The following TDRD3 variants were observed in gnomAD, a reference collection of about 807,000 sequenced individuals.
TDRD3 encodes tudor domain-containing protein 3.
A neutral mutation model predicts 86.7 loss-of-function variants in TDRD3; 45 were observed. The observed-to-expected ratio is 0.52, with a 90% confidence interval of 0.41 to 0.67. The LOEUF is 0.67. Ranked by LOEUF, TDRD3 falls within the 30% of genes least tolerant of loss-of-function variation. The probability of loss-of-function intolerance (pLI) is 0.00; values close to 1 mark genes in which losing one functional copy is unlikely to be tolerated. For synonymous variants in TDRD3, 298 were observed against 301.7 expected (o/e 0.99, Z 0.13); for missense variants, 814 against 889.0 (o/e 0.92, Z 1.07).
chr13:60,509,721 A>C, intron 8 of TDRD3, 42 bp from the exon 9 acceptor site: 1 of 1,612,152 alleles, frequency 6.2e-7, no homozygotes, highest in Non-Finnish European at 8.5e-7. Context: ...GCCTTGCCTT[A>C]TCTGTGGGCT....
intron 12 of TDRD3, among the ~76,000 whole-genome samples, chr13:60,560,572 A>G (rs1390140133): frequency 1.4e-5 from 2 of 147,790 alleles, no homozygotes; most frequent in Non-Finnish European, 3.0e-5. Flanking sequence ...TGTTAGAGGA[A>G]GGACAATGAT....
chr13:60,428,534 A>T (rs1428247112), intron 1 of TDRD3, among the ~76,000 whole-genome samples: 1 of 152,190 alleles, frequency 6.6e-6, no homozygotes, highest in Non-Finnish European at 1.5e-5. Flanking sequence ...AGCACAAGGG[A>T]ATTACAAGAG....
At chr13:60,437,037 G>C (rs1270746320) in intron 1 of TDRD3, among the ~76,000 whole-genome samples, 2 of 150,446 alleles carry the variant, frequency 1.3e-5, no homozygotes, top group Non-Finnish European at 3.0e-5. Flanking sequence ...TAGCTGATTA[G>C]GAAACTGATT....
intron 5 of TDRD3, among the ~76,000 whole-genome samples, chr13:60,475,959 T>C (rs948664576): frequency 4.6e-5 from 7 of 152,154 alleles, no homozygotes; most frequent in African/African-American, 7.2e-5. Context: ...GGATGTACAG[T>C]TGACAAATAT....
At chr13:60,476,763 A>T (rs560663291) in intron 5 of TDRD3, among the ~76,000 whole-genome samples, 111 of 152,184 alleles carry the variant, frequency 7.3e-4, no homozygotes, top group Non-Finnish European at 1.1e-3. Context: ...CTCATTGTAG[A>T]GATCTTTCGC....
intron 13 of TDRD3, among the ~76,000 whole-genome samples, chr13:60,572,155 A>C (rs1958601152): frequency 6.6e-6 from 1 of 152,180 alleles, no homozygotes; most frequent in African/African-American, 2.4e-5. Flanking sequence ...TAAGCTTCAC[A>C]TTCCTGGTGG....
At chr13:60,510,110 A>G (rs978403188) in intron 9 of TDRD3, among the ~76,000 whole-genome samples, 191 bp downstream of exon 9, 4 of 152,200 alleles carry the variant, frequency 2.6e-5, no homozygotes, top group African/African-American at 9.6e-5. Flanking sequence ...TTTGTACAAA[A>G]TGGATCTAAC....
At position 60,528,768 on chromosome 13, in the gene TDRD3, GA is replaced by G. The variant is rs1358265187; in HGVS notation, c.1544del (p.Glu515GlyfsTer12). Reference sequence around the variant, plus strand: ...ATCAGGAAAAGGTCCCTCCTTTGCAGAGGCAAAAGAAAATCCACTTCCTCAA... The same window carrying G: ...ATCAGGAAAAGGTCCCTCCTTTGCAGGGCAAAAGAAAATCCACTTCCTCAA... ...SRSGKGPSFA[E>X]AKENPLPQGS... On this transcript the variant is annotated frameshift_variant, in exon 11 of 14. Transcript: ENST00000377881. LOFTEE classifies it high-confidence loss of function. 6.2e-7 allele frequency: 1 copy of G among 1,613,350 alleles called. No individual in the cohort carries two copies. Among genetic ancestry groups the G allele is most frequent in the African/African-American group, 1.3e-5 (1 of 74,872 alleles).
chr13:60,403,509 G>T (rs908957694), intron 1 of TDRD3, among the ~76,000 whole-genome samples: 1 of 152,172 alleles, frequency 6.6e-6, no homozygotes, highest in Non-Finnish European at 1.5e-5. Flanking sequence ...GAAGAATACT[G>T]AATGCCCAGA....
At chr13:60,451,366 C>A (rs1955537489) in intron 3 of TDRD3, among the ~76,000 whole-genome samples, 1 of 152,112 alleles carries the variant, frequency 6.6e-6, no homozygotes, top group African/African-American at 2.4e-5. Context: ...GAGTAAGTGT[C>A]CAGAGCCATT....
intron 12 of TDRD3, among the ~76,000 whole-genome samples, chr13:60,563,851 T>A (rs1958392282): frequency 6.6e-6 from 1 of 152,208 alleles, no homozygotes; most frequent in Non-Finnish European, 1.5e-5. Flanking sequence ...TGTAGTTTTG[T>A]CTGTGTTCTC....
chr13:60,520,014 T>C (rs1345210623), intron 10 of TDRD3, among the ~76,000 whole-genome samples: 1 of 152,226 alleles, frequency 6.6e-6, no homozygotes, highest in African/African-American at 2.4e-5. Context: ...ACTAGTCTTA[T>C]GCTTTATGCT....
intron 10 of TDRD3, among the ~76,000 whole-genome samples, chr13:60,516,623 C>G (rs1390451204): frequency 6.6e-6 from 1 of 152,156 alleles, no homozygotes; most frequent in Admixed American, 6.6e-5. Context: ...CCTTAATTTT[C>G]TCATCAGGAA....
At chr13:60,460,660 G>A in intron 4 of TDRD3, 120 bp downstream of exon 4, 1 of 911,930 alleles carries the variant, frequency 1.1e-6, no homozygotes, top group Non-Finnish European at 1.6e-6. Context: ...CAGTTTTTCA[G>A]ATGAAATTAT....
intron 13 of TDRD3, among the ~76,000 whole-genome samples, chr13:60,570,075 C>T (rs981212759): frequency 2.0e-5 from 3 of 152,048 alleles, no homozygotes; most frequent in Admixed American, 2.0e-4. Context: ...GGAATAACAT[C>T]AGTTAAAAAG....
At chr13:60,501,431 T>G (rs1474171249) in intron 8 of TDRD3, among the ~76,000 whole-genome samples, 1 of 152,210 alleles carries the variant, frequency 6.6e-6, no homozygotes. Flanking sequence ...CAGATGTTGC[T>G]GAAACACTAA....
At chr13:60,494,633 A>G in intron 8 of TDRD3, 58 bp downstream of exon 8, 1 of 1,532,648 alleles carries the variant, frequency 6.5e-7, no homozygotes, top group Middle Eastern at 1.8e-4. Flanking sequence ...TGATTCTTTT[A>G]TTCTTTCTTA....
At chr13:60,556,612 C>G (rs942251022) in intron 12 of TDRD3, among the ~76,000 whole-genome samples, 1 of 152,064 alleles carries the variant, frequency 6.6e-6, no homozygotes, top group African/African-American at 2.4e-5. Flanking sequence ...AATATTAAAG[C>G]AAGATTAGAT....
chr13:60,507,098 A>G (rs1355774681), intron 8 of TDRD3, among the ~76,000 whole-genome samples: 1 of 152,230 alleles, frequency 6.6e-6, no homozygotes, highest in Non-Finnish European at 1.5e-5. Flanking sequence ...AAAGATCAAA[A>G]GAGACAAGGG....
Sources: gnomAD v4.1 joint callset for allele counts (sites outside exome capture counted in the v4.1 genomes callset) on GRCh38, gnomAD v4.1.1 for gene constraint, MANE v1.5 for transcripts, NCBI Gene and HGNC (gene_info 2026-07-23, HGNC 2026-07-21) for gene names.